Variants in AKAP13 observed in about 807,000 individuals in gnomAD.
AKAP13 encodes A-kinase anchoring protein 13, also known as A-kinase anchor protein 13.
A neutral mutation model predicts 264.5 loss-of-function variants in AKAP13; 80 were observed. The ratio of observed to expected loss-of-function variants is 0.30; its 90% confidence interval spans 0.25 to 0.36. The LOEUF is 0.36. Among genes scored for constraint, AKAP13 ranks in the 10% least tolerant of loss-of-function variants. AKAP13 has a pLI of 1.00. For missense variants in AKAP13, 3,712 were observed against 3,435.2 expected (o/e 1.08, Z -2.01); for synonymous variants, 1,380 against 1,250.2 (o/e 1.10, Z -2.19).
At chr15:85,610,801 CT>C (rs1242713317) in intron 8 of AKAP13, among the ~76,000 whole-genome samples, 2 of 151,960 alleles carry the variant, frequency 1.3e-5, no homozygotes, top group African/African-American at 4.8e-5. Flanking sequence ...CATGGTGAAA[CT>C]CCCCCGTCTC....
chr15:85,733,678 T>C (rs2088210785), intron 30 of AKAP13, among the ~76,000 whole-genome samples: 1 of 152,142 alleles, frequency 6.6e-6, no homozygotes, highest in Non-Finnish European at 1.5e-5. Context: ...AATGTTTAAA[T>C]GGTCTTCCTT....
rs2077465909 is a variant in AKAP13 at position 85,538,200 on chromosome 15, T to TG, written c.478+4321dup. On this transcript the variant is annotated intron_variant, in intron 4 of 36. Coordinates refer to ENST00000394518, the MANE Select transcript of AKAP13 (RefSeq NM_007200.5). ...ATGTAGGGTGGGCCCACTGCAGACT[T>TG]GCTCTAGAGGAAGCAGGGAGAAACA... is the stretch of plus-strand genomic sequence containing the variant. 2.6e-5 allele frequency among the ~76,000 whole-genome samples: 4 copies of TG among 152,192 alleles called. No homozygotes were observed. The South Asian group carries it at 8.3e-4, about 32-fold the overall frequency.
At chr15:85,682,436 G>A (rs2084648646) in intron 15 of AKAP13, among the ~76,000 whole-genome samples, 1 of 152,130 alleles carries the variant, frequency 6.6e-6, no homozygotes, top group Admixed American at 6.5e-5. Flanking sequence ...ATAAAAATTG[G>A]TTGTATTTAT....
In AKAP13 at chr15:85,437,773, A is replaced by G. The variant is rs537679835; in HGVS notation, c.-11-47937A>G. ...AGCCTTTGGCAAAATTCAACCCTTC[A>G]TGCTAAAAACTCTCAATAAATTAGG... On this transcript the variant is annotated intron_variant, in intron 1 of 36. Coordinates refer to ENST00000394518, the MANE Select transcript of AKAP13 (RefSeq NM_007200.5). Among the ~76,000 whole-genome samples, 55 of 152,272 alleles carry G rather than the reference A, an allele frequency of 3.6e-4. 1 individual carries two copies. The highest frequency in any genetic ancestry group is 9.9e-4 in the African/African-American group (41 of 41,552).
intron 17 of AKAP13, 110 bp from the exon 18 acceptor site, chr15:85,707,909 G>T: frequency 9.9e-7 from 1 of 1,012,202 alleles, no homozygotes; most frequent in Non-Finnish European, 1.5e-6. Context: ...ATTCTCACAT[G>T]TGAGTGACTT....
At chr15:85,685,087 C>T (rs2084817341) in intron 16 of AKAP13, 2 of 509,478 alleles carry the variant, frequency 3.9e-6, no homozygotes, top group Non-Finnish European at 6.7e-6. Context: ...ATGCTAAGTG[C>T]TTTCCATATA....
intron 5 of AKAP13, among the ~76,000 whole-genome samples, chr15:85,560,888 T>G (rs1341915695): frequency 6.6e-6 from 1 of 152,128 alleles, no homozygotes; most frequent in Non-Finnish European, 1.5e-5. Flanking sequence ...AACTCTGCTT[T>G]TCTTTTTTAA....
At chr15:85,390,478 G>C (rs74024822) in intron 1 of AKAP13, among the ~76,000 whole-genome samples, 5 of 152,144 alleles carry the variant, frequency 3.3e-5, no homozygotes, top group African/African-American at 1.2e-4. Flanking sequence ...GAGAAAGAGC[G>C]TGAGGAGATA....
chr15:85,449,917 A>G (rs1232869057), intron 1 of AKAP13, among the ~76,000 whole-genome samples: 1 of 152,142 alleles, frequency 6.6e-6, no homozygotes, highest in Non-Finnish European at 1.5e-5. Context: ...TGGTATCAAG[A>G]TGATGCTGGC....
chr15:85,581,227 G>T lies in AKAP13; in HGVS notation c.3159G>T (p.Gly1053=), dbSNP rs1596593938. 27 of 1,614,034 alleles carry T rather than the reference G, an allele frequency of 1.7e-5. No individual in the cohort carries two copies. The highest frequency in any genetic ancestry group is 2.2e-5 in the Non-Finnish European group (26 of 1,180,014). ...LPCLLPDGSD[G]SDALNCSQPS... ...GTCTGTTGCCAGATGGGTCTGATGG[G>T]TCCGATGCTCTTAACTGCAGTCAGC... Residue 1053 remains glycine (G), a synonymous_variant, in exon 7 of 37, where the codon GGG becomes GGT. Coordinates refer to ENST00000394518, the MANE Select transcript of AKAP13 (RefSeq NM_007200.5).
chr15:85,389,879 A>G (rs1052430478), intron 1 of AKAP13: 6 of 152,236 alleles, frequency 3.9e-5, no homozygotes, highest in African/African-American at 1.4e-4. Flanking sequence ...AAGATCTGTA[A>G]CACTTGTGAT....
At chr15:85,435,239 A>C (rs1431894798) in intron 1 of AKAP13, among the ~76,000 whole-genome samples, 4 of 150,682 alleles carry the variant, frequency 2.7e-5, no homozygotes, top group African/African-American at 7.3e-5. Flanking sequence ...AGATGAATGA[A>C]ATGAAGCGAG....
At chr15:85,410,917 T>G (rs2071930014) in intron 1 of AKAP13, among the ~76,000 whole-genome samples, 1 of 151,822 alleles carries the variant, frequency 6.6e-6, no homozygotes, top group Non-Finnish European at 1.5e-5. Context: ...TCTGTCCCCT[T>G]TAGTTCCTTG....
At chr15:85,720,695 T>C (rs1019788118) in intron 23 of AKAP13, among the ~76,000 whole-genome samples, 1 of 152,240 alleles carries the variant, frequency 6.6e-6, no homozygotes, top group Non-Finnish European at 1.5e-5. Context: ...AGCAGAGGCT[T>C]AATTGTTGGA....
chr15:85,439,348 AG>A (rs1279646250), intron 1 of AKAP13, among the ~76,000 whole-genome samples: 1 of 150,586 alleles, frequency 6.6e-6, no homozygotes, highest in Non-Finnish European at 1.5e-5. Flanking sequence ...GTGGAGAAAT[AG>A]GAACACTTTT....
intron 7 of AKAP13, chr15:85,582,774 T>G: frequency 1.5e-6 from 1 of 670,806 alleles, no homozygotes; most frequent in Non-Finnish European, 1.8e-6. Flanking sequence ...GGCAGCAGTC[T>G]GAGAATTCAA....
chr15:85,727,270 C>A lies in AKAP13; in HGVS notation c.7004+23C>A. On this transcript the variant is annotated intron_variant, in intron 28 of 36. Transcript: ENST00000394518. The surrounding 1 kb of genome is among the most constrained non-coding windows in gnomAD (Gnocchi z 5.3). Reference sequence around the variant, plus strand: ...CCTGTAAGTTAACCACCAGGCCCCACCCTTCCCAGCCCTCCTGATGTCTCT... The same window carrying A: ...CCTGTAAGTTAACCACCAGGCCCCAACCTTCCCAGCCCTCCTGATGTCTCT... The A allele has an allele frequency of 6.2e-7, 1 of 1,613,710 alleles. No individual in the cohort carries two copies. The highest frequency in any genetic ancestry group is 8.5e-7 in the Non-Finnish European group (1 of 1,179,726).
At chr15:85,560,868 G>A (rs1464306097) in intron 5 of AKAP13, among the ~76,000 whole-genome samples, 1 of 151,974 alleles carries the variant, frequency 6.6e-6, no homozygotes, top group Non-Finnish European at 1.5e-5. Flanking sequence ...ATTGCAATGT[G>A]GCCAGTATTA....
intron 5 of AKAP13, among the ~76,000 whole-genome samples, chr15:85,562,872 T>C (rs1356336305): frequency 2.6e-4 from 1 of 3,782 alleles, no homozygotes; most frequent in East Asian, 0.12. Flanking sequence ...GTTTTTTTTG[T>C]TTTTTTTTTT....
Sources: allele counts gnomAD v4.1 joint callset (sites outside exome capture counted in the v4.1 genomes callset), GRCh38; gene constraint gnomAD v4.1.1; non-coding constraint Gnocchi (gnomAD v3.1); transcripts MANE v1.5; gene names NCBI Gene and HGNC (gene_info 2026-07-23, HGNC 2026-07-21).